ACTMAP: variants seen among roughly 807,000 people sequenced by gnomAD.
The protein encoded by ACTMAP is actin maturation protease, also known as UPF0692 protein C19orf54.
chr19:40,745,134 G>T, the ACTMAP span: 1 of 1,551,798 alleles, frequency 6.4e-7, no homozygotes, highest in Non-Finnish European at 8.7e-7. Context: ...ACATACTGAG[G>T]GCCTTCTTGG....
chr19:40,749,526 T>C, the ACTMAP span: 1 of 1,550,172 alleles, frequency 6.5e-7, no homozygotes. Context: ...TTCTCTGCCC[T>C]TGGGGACCGG....
At chr19:40,742,193 G>A in the ACTMAP span, 1 of 680,772 alleles carries the variant, frequency 1.5e-6, no homozygotes, top group Non-Finnish European at 2.7e-6. Context: ...GCGGCCCCTA[G>A]TGAGAAACAG....
the ACTMAP span, chr19:40,749,481 C>T: frequency 1.4e-5 from 21 of 1,544,116 alleles, no homozygotes; most frequent in East Asian, 2.5e-5. Flanking sequence ...GAGACCCTAC[C>T]GGTCCTTGTG....
chr19:40,745,838 A>G, the ACTMAP span, among the ~76,000 whole-genome samples: 14 of 152,058 alleles, frequency 9.2e-5, no homozygotes, highest in African/African-American at 2.7e-4. Context: ...ACGCCCAGCT[A>G]ATTTTGTATT....
At chr19:40,743,190 CT>C in the ACTMAP span, among the ~76,000 whole-genome samples, 1 of 151,468 alleles carries the variant, frequency 6.6e-6, no homozygotes, top group East Asian at 2.0e-4. Flanking sequence ...GAAAACGGTG[CT>C]GGTAATACTT....
chr19:40,745,344 T>A, the ACTMAP span: 6 of 749,154 alleles, frequency 8.0e-6, no homozygotes, highest in Non-Finnish European at 1.4e-5. Flanking sequence ...CCTGGTTCAG[T>A]CACTGACTTC....
the ACTMAP span, among the ~76,000 whole-genome samples, chr19:40,742,941 C>T: frequency 1.3e-5 from 2 of 152,124 alleles, no homozygotes; most frequent in Admixed American, 6.5e-5. Context: ...ACCGTGGCAC[C>T]CGGCTCCAAA....
At chr19:40,749,595 C>A in the ACTMAP span, 17 of 1,550,790 alleles carry the variant, frequency 1.1e-5, no homozygotes, top group Non-Finnish European at 1.3e-5. Context: ...GAAGACATGA[C>A]GGGGAGCAGG....
At chr19:40,745,912 T>C in the ACTMAP span, among the ~76,000 whole-genome samples, 2 of 152,210 alleles carry the variant, frequency 1.3e-5, no homozygotes, top group Non-Finnish European at 2.9e-5. Flanking sequence ...CCTCAGGTTA[T>C]CCACCCACCT....
chr19:40,742,251 T>C, the ACTMAP span: 1 of 737,456 alleles, frequency 1.4e-6, no homozygotes, highest in South Asian at 1.5e-5. Context: ...GTCCGGGCTG[T>C]TGTCAATCTC....
the ACTMAP span, chr19:40,743,937 T>C: frequency 1.2e-6 from 2 of 1,613,902 alleles, no homozygotes; most frequent in Non-Finnish European, 1.7e-6. Context: ...CTTGTGGCCC[T>C]TCCTCTGACA....
At chr19:40,741,610 GA>G in the ACTMAP span, 3 of 404,608 alleles carry the variant, frequency 7.4e-6, no homozygotes, top group Non-Finnish European at 1.5e-5. Flanking sequence ...AAGTGGACAG[GA>G]AAGTTTGTGG....
the ACTMAP span, chr19:40,744,276 C>T: frequency 6.9e-7 from 1 of 1,456,374 alleles, no homozygotes; most frequent in South Asian, 1.4e-5. Context: ...GCGATGCTTC[C>T]AACCCTCACC....
chr19:40,742,294 C>T, the ACTMAP span: 3 of 867,696 alleles, frequency 3.5e-6, no homozygotes, highest in South Asian at 3.3e-5. Flanking sequence ...CTCAATACTG[C>T]AGGGGGTGGC....
chr19:40,744,105 G>A, the ACTMAP span: 2 of 1,613,706 alleles, frequency 1.2e-6, no homozygotes, highest in Non-Finnish European at 1.7e-6. Context: ...GGTGCTGCAG[G>A]ACGAGGTCTC....
At chr19:40,748,924 G>A in the ACTMAP span, among the ~76,000 whole-genome samples, 1 of 151,840 alleles carries the variant, frequency 6.6e-6, no homozygotes, top group Non-Finnish European at 1.5e-5. Context: ...GACCACTCTG[G>A]GTTGTCACTG....
At chr19:40,741,554 G>A in the ACTMAP span, 1 of 370,640 alleles carries the variant, frequency 2.7e-6, no homozygotes, top group South Asian at 2.0e-5. Context: ...GAGGGGTCAG[G>A]TATTCATGAA....
At chr19:40,745,267 G>C in the ACTMAP span, 1 of 1,464,272 alleles carries the variant, frequency 6.8e-7, no homozygotes, top group Non-Finnish European at 9.4e-7. Context: ...AGGTCTGGCT[G>C]GGAGTGGTCG....
At chr19:40,741,845 C>T in the ACTMAP span, 1 of 456,486 alleles carries the variant, frequency 2.2e-6, no homozygotes, top group South Asian at 1.5e-5. Context: ...CAGGTAACTG[C>T]TCCCAGATGG....
Sources: gnomAD v4.1 joint callset for allele counts (sites outside exome capture counted in the v4.1 genomes callset) on GRCh38, gnomAD v4.1.1 for gene constraint, MANE v1.5 for transcripts, NCBI Gene and HGNC (gene_info 2026-07-23, HGNC 2026-07-21) for gene names.